Variants in STAG1 observed in about 807,000 individuals in gnomAD.
STAG1 encodes the protein STAG1 cohesin complex component.
A neutral mutation model predicts 170.9 loss-of-function variants in STAG1; 26 were observed. That is an observed-to-expected ratio of 0.15 (90% CI 0.11 to 0.21). The LOEUF is 0.21. STAG1 is among the 10% of genes least tolerant of loss of function. The pLI is 1.00. For synonymous variants in STAG1, 514 were observed against 497.7 expected (o/e 1.03, Z -0.44); for missense variants, 964 against 1,509.5 (o/e 0.64, Z 5.99).
At chr3:136,495,335 A>G (rs940125861) in intron 9 of STAG1, among the ~76,000 whole-genome samples, 7 of 152,248 alleles carry the variant, frequency 4.6e-5, no homozygotes, top group Non-Finnish European at 1.0e-4. Context: ...TAGAAGAGAC[A>G]AAATGATTAA....
chr3:136,560,354 A>G (rs1936792833), intron 5 of STAG1, among the ~76,000 whole-genome samples: 1 of 152,244 alleles, frequency 6.6e-6, no homozygotes, highest in Non-Finnish European at 1.5e-5. Flanking sequence ...GTTATGTTTA[A>G]GTACATACCA....
At chr3:136,487,372 T>C (rs1424061304) in intron 9 of STAG1, among the ~76,000 whole-genome samples, 1 of 152,216 alleles carries the variant, frequency 6.6e-6, no homozygotes, top group Non-Finnish European at 1.5e-5. Flanking sequence ...CTTTATCTAG[T>C]CTATCACTGA....
intron 1 of STAG1, among the ~76,000 whole-genome samples, chr3:136,675,072 G>A (rs1415247182): frequency 1.3e-5 from 2 of 152,204 alleles, no homozygotes; most frequent in South Asian, 2.1e-4. Context: ...GTAACCAACA[G>A]TAGATGTCCT....
At chr3:136,339,630 AC>A (rs1379360244) in intron 32 of STAG1, among the ~76,000 whole-genome samples, 1 of 152,140 alleles carries the variant, frequency 6.6e-6, no homozygotes, top group Non-Finnish European at 1.5e-5. Context: ...TGTACCCATC[AC>A]CCAGTTTCAA....
intron 23 of STAG1, among the ~76,000 whole-genome samples, chr3:136,369,682 C>G (rs1937219089): frequency 6.6e-6 from 1 of 152,158 alleles, no homozygotes; most frequent in South Asian, 2.1e-4. Context: ...CAATTGTATA[C>G]TGCTTAATCA....
intron 28 of STAG1, among the ~76,000 whole-genome samples, chr3:136,354,419 C>T (rs1408277168): frequency 2.6e-5 from 4 of 152,046 alleles, no homozygotes; most frequent in African/African-American, 7.2e-5. Flanking sequence ...CTCCCACCTT[C>T]GCCTTCCAAG....
In STAG1 at chr3:136,745,086, T is replaced by C. The variant is rs191721059; in HGVS notation, c.-84+7109A>G. 2.5e-4 allele frequency among the ~76,000 whole-genome samples: 38 copies of C among 152,336 alleles called. No individual in the cohort carries two copies. The East Asian group carries it at 7.1e-3, about 29-fold the overall frequency. ...CATTGTGTGTGGATGTGTGTGTTTG[T>C]ACTAGGCTACAATGTAAAATGTTTT... On this transcript the variant is annotated intron_variant, in intron 1 of 33. Coordinates refer to ENST00000383202, the MANE Select transcript of STAG1 (RefSeq NM_005862.3).
chr3:136,611,022 G>C (rs1316139544), intron 3 of STAG1, among the ~76,000 whole-genome samples: 1 of 152,090 alleles, frequency 6.6e-6, no homozygotes, highest in East Asian at 1.9e-4. Flanking sequence ...CAGACTTCCA[G>C]TTTTTTCAAA....
At chr3:136,490,766 C>T (rs1576524969) in intron 9 of STAG1, among the ~76,000 whole-genome samples, 3 of 152,216 alleles carry the variant, frequency 2.0e-5, no homozygotes, top group East Asian at 3.9e-4. Context: ...TTCATTGTAA[C>T]ATAAAAGGAT....
At position 136,619,416 on chromosome 3, in the gene STAG1, G is replaced by A. The variant is rs1355021873; in HGVS notation, c.132+3730C>T. 5.3e-5 allele frequency among the ~76,000 whole-genome samples: 8 copies of A among 151,332 alleles called. No homozygotes were observed. In the Admixed American group the frequency reaches 5.3e-4, roughly 10 times the overall value. ...AAATGTATGTTACGTTAGCGCAAGG[G>A]GAAAACAGTTAAGTCATATTGGGTA... On this transcript the variant is annotated intron_variant, in intron 3 of 33. Coordinates refer to ENST00000383202, the MANE Select transcript of STAG1 (RefSeq NM_005862.3).
At chr3:136,447,596 ATTTTTTTTTTTTTTTT>A (rs777110138) in intron 14 of STAG1, among the ~76,000 whole-genome samples, 1 of 74,282 alleles carries the variant, frequency 1.3e-5, no homozygotes, top group Non-Finnish European at 2.4e-5. Context: ...AAAGCATCAC[ATTTTTTTTTTTTTTTT>A]TTTTTTTTTT....
At chr3:136,364,026 C>T (rs1374847006) in intron 25 of STAG1, among the ~76,000 whole-genome samples, 5 of 151,920 alleles carry the variant, frequency 3.3e-5, no homozygotes, top group African/African-American at 1.2e-4. Flanking sequence ...TCCCAAAATG[C>T]TGGGATTACA....
At chr3:136,714,405 C>T (rs1943465328) in intron 1 of STAG1, among the ~76,000 whole-genome samples, 1 of 152,012 alleles carries the variant, frequency 6.6e-6, no homozygotes, top group Admixed American at 6.6e-5. Context: ...AGAATCCTGG[C>T]AACGTACCGA....
intron 16 of STAG1, among the ~76,000 whole-genome samples, chr3:136,428,238 A>T (rs974103310): frequency 5.3e-5 from 8 of 152,322 alleles, no homozygotes; most frequent in African/African-American, 1.9e-4. Context: ...CTAACTCTCA[A>T]AAGCCTTGAA....
rs901108547 is a variant in STAG1 at position 136,380,482 on chromosome 3, C to T, written c.2278-2730G>A. On this transcript the variant is annotated intron_variant, in intron 22 of 33. Transcript: ENST00000383202. ...GTCTTGATCTCCTGACCTCGTGATC[C>T]GCCAGTCTCAGCCTCACTAAGTGCT... Among the ~76,000 whole-genome samples the T allele has an allele frequency of 7.2e-5, 11 of 151,984 alleles. No homozygotes were observed. In the East Asian group the frequency reaches 7.8e-4, roughly 11 times the overall value.
intron 3 of STAG1, among the ~76,000 whole-genome samples, chr3:136,607,595 G>T: frequency 6.6e-6 from 1 of 152,106 alleles, no homozygotes; most frequent in East Asian, 1.9e-4. Context: ...TAGAGATGGG[G>T]TTTCACCATG....
At chr3:136,395,043 T>C (rs1050467202) in intron 22 of STAG1, among the ~76,000 whole-genome samples, 2 of 143,572 alleles carry the variant, frequency 1.4e-5, no homozygotes, top group Non-Finnish European at 3.0e-5. Context: ...GCCCAGGAGG[T>C]TGAGGCCACA....
rs1320426574 is a variant in STAG1 at position 136,379,527 on chromosome 3, G to GA, written c.2278-1776dup. On this transcript the variant is annotated intron_variant, in intron 22 of 33. Transcript: ENST00000383202. The stretch of plus-strand genomic sequence containing the variant: ...AGTTCGAGACCAGCCTGGCCAACAT[G>GA]ATGAAACCCCGTCTCTATTAAAAAT... Among the ~76,000 whole-genome samples, 11 of 152,256 alleles carry GA rather than the reference G, an allele frequency of 7.2e-5. No homozygotes were observed. In the East Asian group the frequency reaches 1.9e-3, roughly 27 times the overall value.
In STAG1 at chr3:136,409,674, A is replaced by G. The variant is rs115070754; in HGVS notation, c.2196+8211T>C. 9.2e-3 allele frequency among the ~76,000 whole-genome samples: 1,396 copies of G among 152,130 alleles called. 26 individuals are homozygous for G. Among genetic ancestry groups the G allele is most frequent in the African/African-American group, 0.03 (1,247 of 41,488 alleles). ...CATTGAAACTCGCCCCCTACATTAC[A>G]CTCAGTCTGAAGAATGTGTTCATGT... is the stretch of plus-strand genomic sequence containing the variant. On this transcript the variant is annotated intron_variant, in intron 21 of 33. Transcript: ENST00000383202.
Sources: allele counts gnomAD v4.1 joint callset (sites outside exome capture counted in the v4.1 genomes callset), GRCh38; gene constraint gnomAD v4.1.1; transcripts MANE v1.5; gene names NCBI Gene and HGNC (gene_info 2026-07-23, HGNC 2026-07-21).